The following DZANK1 variants were observed in gnomAD, a reference collection of about 807,000 sequenced individuals.
DZANK1 encodes the protein double zinc ribbon and ankyrin repeat domains 1.
In DZANK1, 91 loss-of-function variants were observed where a neutral mutation model predicts 94.5. The ratio of observed to expected loss-of-function variants is 0.96; its 90% CI spans 0.81 to 1.15. The LOEUF is 1.15. Among genes scored for constraint, DZANK1 ranks in the 50% most tolerant of loss-of-function variants. The pLI is 0.00. For synonymous variants in DZANK1, 312 were observed against 325.3 expected (o/e 0.96, Z 0.44); for missense variants, 903 against 916.4 (o/e 0.99, Z 0.19).
chr20:18,390,905 GA>G (rs1340922704), intron 17 of DZANK1, among the ~76,000 whole-genome samples: 1 of 151,798 alleles, frequency 6.6e-6, no homozygotes, highest in Non-Finnish European at 1.5e-5. Flanking sequence ...TTCTTCTTTA[GA>G]AAAAAAAGGA....
chr20:18,401,628 G>A (rs780604220), intron 13 of DZANK1, among the ~76,000 whole-genome samples: 1 of 152,190 alleles, frequency 6.6e-6, no homozygotes, highest in Non-Finnish European at 1.5e-5. Context: ...ACAAACTACT[G>A]GGAGCTGTCT....
intron 14 of DZANK1, among the ~76,000 whole-genome samples, chr20:18,397,560 T>G (rs1050467972): frequency 2.0e-5 from 3 of 152,206 alleles, no homozygotes; most frequent in African/African-American, 4.8e-5. Flanking sequence ...TTCTTCTGAC[T>G]ATCAACTGCG....
At chr20:18,384,855 G>A (rs1192357693) in intron 20 of DZANK1, among the ~76,000 whole-genome samples, 161 bp downstream of exon 20, 1 of 152,120 alleles carries the variant, frequency 6.6e-6, no homozygotes, top group South Asian at 2.1e-4. Flanking sequence ...TTTTCATTGC[G>A]CTTTGAAAAG....
chr20:18,394,260 T>C (rs2056196073), exon 16 of DZANK1: 1 of 1,613,358 alleles, frequency 6.2e-7, no homozygotes, highest in Non-Finnish European at 8.5e-7. Context: ...TCACCCCAGC[T>C]GGACCTGCTG....
chr20:18,449,384 A>G (rs1482636083), intron 6 of DZANK1, among the ~76,000 whole-genome samples: 1 of 152,136 alleles, frequency 6.6e-6, no homozygotes, highest in African/African-American at 2.4e-5. Flanking sequence ...TAAAAATAAA[A>G]AATCATTATG....
chr20:18,414,660 G>C, intron 11 of DZANK1, 148 bp from the exon 12 acceptor site: 1 of 980,942 alleles, frequency 1.0e-6, no homozygotes, highest in South Asian at 1.7e-5. Flanking sequence ...GACAAGTACA[G>C]AAAGAAGTGT....
intron 6 of DZANK1, 107 bp from the exon 7 acceptor site, chr20:18,449,176 C>T (rs1569002169): frequency 2.3e-6 from 2 of 880,398 alleles, no homozygotes; most frequent in Non-Finnish European, 3.6e-6. Context: ...GGTGAATACA[C>T]ATAGACATAT....
At chr20:18,436,105 TAGACA>T (rs1185980493) in intron 8 of DZANK1, among the ~76,000 whole-genome samples, 2 of 152,094 alleles carry the variant, frequency 1.3e-5, no homozygotes, top group African/African-American at 4.8e-5. Flanking sequence ...CTGGATTTAG[TAGACA>T]AAGATTTCAA....
At chr20:18,403,112 G>T (rs1188677197) in intron 13 of DZANK1, among the ~76,000 whole-genome samples, 1 of 152,144 alleles carries the variant, frequency 6.6e-6, no homozygotes, top group African/African-American at 2.4e-5. Flanking sequence ...TTCTCATCCT[G>T]TCCCAATTGC....
chr20:18,413,889 G>A (rs1347743316), intron 12 of DZANK1, among the ~76,000 whole-genome samples: 1 of 152,108 alleles, frequency 6.6e-6, no homozygotes, highest in Non-Finnish European at 1.5e-5. Flanking sequence ...AAGAAACATG[G>A]AAAGTCTTTA....
intron 19 of DZANK1, among the ~76,000 whole-genome samples, chr20:18,386,737 C>A (rs750210543): frequency 6.6e-6 from 1 of 152,030 alleles, no homozygotes; most frequent in Non-Finnish European, 1.5e-5. Context: ...GAGAAAATGC[C>A]AAAGAGATAA....
At chr20:18,419,519 G>A (rs939507319) in intron 10 of DZANK1, among the ~76,000 whole-genome samples, 1 of 151,944 alleles carries the variant, frequency 6.6e-6, no homozygotes, top group Non-Finnish European at 1.5e-5. Flanking sequence ...ACAATAAAGA[G>A]CAAATCTTAA....
chr20:18,391,873 A>T (rs552012126), intron 17 of DZANK1, among the ~76,000 whole-genome samples: 2 of 152,312 alleles, frequency 1.3e-5, no homozygotes, highest in Middle Eastern at 3.4e-3. Context: ...GCTTAGAACC[A>T]AGTACTCTAA....
chr20:18,433,576 G>T, intron 9 of DZANK1, 76 bp downstream of exon 9: 1 of 1,369,422 alleles, frequency 7.3e-7, no homozygotes, highest in Non-Finnish European at 1.0e-6. Context: ...CATCCCACTA[G>T]CTGAAAAAGG....
Position 18,465,280 on chromosome 20 carries a change from CA to C in DZANK1, c.78del (p.Ile26MetfsTer9). 1 of 1,607,446 alleles carries C rather than the reference CA, an allele frequency of 6.2e-7. No homozygotes were observed. Among genetic ancestry groups the C allele is most frequent in the Non-Finnish European group, 8.5e-7 (1 of 1,176,132 alleles). On this transcript the variant is annotated frameshift_variant, in exon 2 of 21. Transcript: ENST00000262547. LOFTEE classifies it high-confidence loss of function. ...TTCATTTCCAAAAGCGTATTGTTAT[CA>C]ATTTCATGGTTAGCTTTTCCAGGCT...
At chr20:18,415,332 C>A in exon 11 of DZANK1, 1 of 1,560,376 alleles carries the variant, frequency 6.4e-7, no homozygotes, top group Non-Finnish European at 8.7e-7. Flanking sequence ...CCCACCATGG[C>A]TCCACACCAG....
In DZANK1 at chr20:18,465,413, C is replaced by CT. The variant is rs2059614485; in HGVS notation, c.-19-37_-19-36insA. ...ATATACATATAAATTCCAATGTACA[C>CT]AAAAGCTGAAGAGCAGCACTTAATT... is the stretch of plus-strand genomic sequence containing the variant. On this transcript the variant is annotated intron_variant, in intron 1 of 20. Transcript: ENST00000262547. The CT allele has an allele frequency of 1.7e-5, 16 of 963,380 alleles. 4 individuals are homozygous for CT. The highest frequency in any genetic ancestry group is 6.0e-5 in the East Asian group (2 of 33,170). 59.7% of individuals were successfully genotyped at this position (963,380 alleles called of 1,614,324 possible).
intron 6 of DZANK1, among the ~76,000 whole-genome samples, chr20:18,450,484 A>C (rs1173270314): frequency 1.3e-5 from 2 of 152,234 alleles, no homozygotes; most frequent in Non-Finnish European, 1.5e-5. Flanking sequence ...ATTGAGTTTT[A>C]TTTGGCATTG....
chr20:18,383,409 A>G (rs2048304887), exon 21 of DZANK1: 1 of 152,188 alleles, frequency 6.6e-6, no homozygotes, highest in African/African-American at 2.4e-5. Context: ...TGATTTGTCA[A>G]TCAAAGAACA....
Sources: gnomAD v4.1 joint callset for allele counts (sites outside exome capture counted in the v4.1 genomes callset) on GRCh38, gnomAD v4.1.1 for gene constraint, MANE v1.5 for transcripts, NCBI Gene and HGNC (gene_info 2026-07-23, HGNC 2026-07-21) for gene names.